PRKD1: variants seen among roughly 807,000 people sequenced by gnomAD.
The protein encoded by PRKD1 is serine/threonine-protein kinase D1.
PRKD1 carries 63 observed loss-of-function variants against 95.9 expected under a neutral mutation model. The observed-to-expected ratio is 0.66, with a 90% CI of 0.54 to 0.81. The LOEUF is 0.81. PRKD1 is among the 30% of genes least tolerant of loss of function. The pLI, the probability that PRKD1 is intolerant of heterozygous loss-of-function variation, is 0.00. For missense variants in PRKD1, 1,048 were observed against 1,165.3 expected (o/e 0.90, Z 1.47); for synonymous variants, 425 against 423.1 (o/e 1.00, Z -0.05).
At chr14:29,819,959 A>G (rs898591368) in intron 1 of PRKD1, among the ~76,000 whole-genome samples, 4 of 152,216 alleles carry the variant, frequency 2.6e-5, no homozygotes, top group Admixed American at 1.3e-4. Context: ...AGGTATTGAT[A>G]TTACTTTGTA....
intron 16 of PRKD1, among the ~76,000 whole-genome samples, 183 bp from the exon 17 acceptor site, chr14:29,578,543 TA>T (rs992449669): frequency 0.1 from 4,421 of 42,598 alleles, 57 homozygotes; most frequent in East Asian, 0.24. Flanking sequence ...TTTTGGATAC[TA>T]AAAAAAAAAA....
intron 1 of PRKD1, among the ~76,000 whole-genome samples, chr14:29,904,371 T>C (rs1460664419): frequency 6.6e-6 from 1 of 152,176 alleles, no homozygotes; most frequent in Non-Finnish European, 1.5e-5. Flanking sequence ...GAATTTAAAA[T>C]CCCAACTCTG....
chr14:29,892,686 C>A (rs17480149), intron 1 of PRKD1, among the ~76,000 whole-genome samples: 7,293 of 152,246 alleles, frequency 0.048, 243 homozygotes, highest in Non-Finnish European at 0.077. Flanking sequence ...TAACTTTAGA[C>A]ATAGTACCTT....
intron 1 of PRKD1, among the ~76,000 whole-genome samples, chr14:29,797,811 T>C (rs1046975605): frequency 6.6e-6 from 1 of 152,158 alleles, no homozygotes; most frequent in Non-Finnish European, 1.5e-5. Context: ...AGATTGCAAA[T>C]GGACTACCAT....
chr14:29,825,512 A>T (rs533048541), intron 1 of PRKD1, among the ~76,000 whole-genome samples: 38 of 135,958 alleles, frequency 2.8e-4, no homozygotes, highest in African/African-American at 8.8e-4. Flanking sequence ...AGTGGGGTCG[A>T]AGATGTAAAG....
At chr14:29,889,440 G>A (rs1449727356) in intron 1 of PRKD1, among the ~76,000 whole-genome samples, 1 of 152,212 alleles carries the variant, frequency 6.6e-6, no homozygotes, top group Admixed American at 6.5e-5. Context: ...CTCACCCGGG[G>A]AGCAAGGGGC....
chr14:29,708,844 C>CAG (rs1885208304), intron 2 of PRKD1, among the ~76,000 whole-genome samples: 1 of 152,142 alleles, frequency 6.6e-6, no homozygotes, highest in Non-Finnish European at 1.5e-5. Context: ...ACCTGGGTGA[C>CAG]AGAGCAAGTC....
intron 13 of PRKD1, among the ~76,000 whole-genome samples, chr14:29,613,612 T>G (rs1219602651): frequency 1.3e-5 from 2 of 152,212 alleles, no homozygotes; most frequent in African/African-American, 4.8e-5. Context: ...ACTTAAAAAT[T>G]TTTCTTGCCT....
intron 2 of PRKD1, among the ~76,000 whole-genome samples, chr14:29,685,880 T>C (rs952020534): frequency 3.3e-5 from 5 of 152,260 alleles, no homozygotes; most frequent in South Asian, 2.1e-4. Context: ...GTTTTAGAAA[T>C]AGAAACTTTT....
chr14:29,688,663 G>C (rs1409781889), intron 2 of PRKD1, among the ~76,000 whole-genome samples: 1 of 152,106 alleles, frequency 6.6e-6, no homozygotes, highest in Non-Finnish European at 1.5e-5. Flanking sequence ...GAGGCATGAT[G>C]GTTCGTCCCT....
chr14:29,619,037 A>G (rs571857570), intron 13 of PRKD1, among the ~76,000 whole-genome samples: 97 of 152,360 alleles, frequency 6.4e-4, no homozygotes, highest in African/African-American at 2.2e-3. Flanking sequence ...TCTATAAGCT[A>G]GAGGACCACA....
chr14:29,648,740 T>C (rs776101770), intron 4 of PRKD1, among the ~76,000 whole-genome samples: 21 of 152,220 alleles, frequency 1.4e-4, no homozygotes, highest in Admixed American at 3.9e-4. Context: ...CTGCCAGCTC[T>C]GCCTCCTGGG....
intron 1 of PRKD1, among the ~76,000 whole-genome samples, chr14:29,838,294 T>G (rs1036181672): frequency 1.3e-5 from 2 of 151,998 alleles, no homozygotes; most frequent in Non-Finnish European, 2.9e-5. Flanking sequence ...AAATACAAAA[T>G]AGAAAACTGC....
chr14:29,872,995 AT>A (rs1256405155), intron 1 of PRKD1, among the ~76,000 whole-genome samples: 3 of 152,220 alleles, frequency 2.0e-5, no homozygotes, highest in African/African-American at 7.2e-5. Context: ...CAAATTAAAT[AT>A]TATACAATGC....
chr14:29,770,930 C>CA (rs753745571), intron 1 of PRKD1, among the ~76,000 whole-genome samples: 4,129 of 45,578 alleles, frequency 0.091, 207 homozygotes, highest in African/African-American at 0.15. Flanking sequence ...AGACACTGTC[C>CA]AAAAAAAAAA....
intron 2 of PRKD1, among the ~76,000 whole-genome samples, chr14:29,717,771 T>C (rs1885696003): frequency 6.6e-6 from 1 of 152,250 alleles, no homozygotes; most frequent in South Asian, 2.1e-4. Flanking sequence ...AAAATGTGCA[T>C]AAAATTTTCA....
At chr14:29,768,749 C>T (rs981016695) in intron 1 of PRKD1, among the ~76,000 whole-genome samples, 4 of 151,518 alleles carry the variant, frequency 2.6e-5, no homozygotes, top group African/African-American at 4.8e-5. Context: ...ACTGAGTATT[C>T]TGCTTTCTCT....
At chr14:29,769,611 T>C (rs1001265056) in intron 1 of PRKD1, among the ~76,000 whole-genome samples, 10 of 152,132 alleles carry the variant, frequency 6.6e-5, no homozygotes, top group African/African-American at 2.4e-4. Flanking sequence ...AGACAGTCCA[T>C]GTGTGTCAAC....
Position 29,923,905 on chromosome 14 carries a change from GA to G in PRKD1, c.264+3343del. Among the ~76,000 whole-genome samples, 3 of 151,846 alleles carry G rather than the reference GA, an allele frequency of 2.0e-5. No individual in the cohort carries two copies. In the South Asian group the frequency reaches 6.2e-4, roughly 32 times the overall value. ...TGAAACCAAACTAGCTCTTCCTCTG[GA>G]ATTTTTTTCCTTGCTTTAAAACAAT... On this transcript the variant is annotated intron_variant, in intron 1 of 17. Coordinates refer to ENST00000331968, the MANE Select transcript of PRKD1 (RefSeq NM_002742.3).
Sources: allele counts gnomAD v4.1 joint callset (sites outside exome capture counted in the v4.1 genomes callset), GRCh38; gene constraint gnomAD v4.1.1; transcripts MANE v1.5; gene names NCBI Gene and HGNC (gene_info 2026-07-23, HGNC 2026-07-21).